Variants in ITPR2 observed in about 807,000 individuals in gnomAD.
The protein encoded by ITPR2 is inositol 1,4,5-trisphosphate-gated calcium channel ITPR2.
Under a neutral mutation model 317.1 loss-of-function variants are expected in ITPR2, and 207 were observed. The ratio of observed to expected loss-of-function variants is 0.65; its 90% confidence interval spans 0.58 to 0.73. The LOEUF is 0.73. ITPR2 is among the 30% of genes least tolerant of loss of function. The probability of loss-of-function intolerance (pLI) is 0.00; values close to 1 mark genes in which losing one functional copy is unlikely to be tolerated. For synonymous variants in ITPR2, 1,156 were observed against 1,149.1 expected, an observed-to-expected ratio of 1.01 and a Z score of -0.12; for missense variants, 2,613 against 3,284.0, an observed-to-expected ratio of 0.80 and a Z score of 4.99.
intron 34 of ITPR2, among the ~76,000 whole-genome samples, chr12:26,574,778 C>T (rs1287120698): frequency 2.0e-5 from 3 of 152,046 alleles, no homozygotes; most frequent in East Asian, 1.9e-4. Flanking sequence ...GGAGAGCAGA[C>T]GGGGTCATGT....
chr12:26,378,469 C>G (rs1185448103), intron 55 of ITPR2, among the ~76,000 whole-genome samples: 1 of 152,156 alleles, frequency 6.6e-6, no homozygotes, highest in Non-Finnish European at 1.5e-5. Flanking sequence ...TGGGGCCAGA[C>G]TATATAAGCA....
Position 26,597,039 on chromosome 12 carries a change from C to A in ITPR2, c.4098G>T (p.Gly1366=). 2 of 1,614,024 alleles carry A rather than the reference C, an allele frequency of 1.2e-6. No homozygotes were observed. The highest frequency in any genetic ancestry group is 1.7e-6 in the Non-Finnish European group (2 of 1,180,004). The part of the protein sequence containing the change: ...LHMMCSERDR[G]DESGPLAYHI... ...GGTAGGCTAAGGGGCCACTCTCATCCCCTCGGTCTCTCTCTGAACACATCA... is the reference window on the plus strand; with the variant it reads ...GGTAGGCTAAGGGGCCACTCTCATCACCTCGGTCTCTCTCTGAACACATCA... The change falls in exon 31 of 57, where the codon GGG becomes GGT. Residue 1366 remains glycine, a synonymous_variant. Transcript: ENST00000381340.
At chr12:26,506,221 A>C (rs951965300) in intron 37 of ITPR2, among the ~76,000 whole-genome samples, 1 of 152,066 alleles carries the variant, frequency 6.6e-6, no homozygotes, top group Admixed American at 6.6e-5. Context: ...TAAAAAAAAA[A>C]AAATTAGCCT....
chr12:26,558,939 A>C (rs1423323788), intron 35 of ITPR2, among the ~76,000 whole-genome samples: 6 of 152,242 alleles, frequency 3.9e-5, no homozygotes. Context: ...CTATCTTAGT[A>C]AATAACACAA....
rs1299501353 is a variant in ITPR2 at position 26,811,611 on chromosome 12, CG to C, written c.92+21078del. On this transcript the variant is annotated intron_variant, in intron 1 of 56. Transcript: ENST00000381340. The stretch of plus-strand genomic sequence containing the variant: ...GTGAGGCAGGAGAATGGCATGAACC[CG>C]GGGGGCAGAGCCTGCAGTGAGCCGA... 3.3e-5 allele frequency among the ~76,000 whole-genome samples: 5 copies of C among 149,760 alleles called. No homozygotes were observed. In the East Asian group the frequency reaches 5.9e-4, roughly 18 times the overall value.
chr12:26,495,313 A>T lies in ITPR2; in HGVS notation c.5074-53T>A, dbSNP rs1213740260. 16 of 982,186 alleles carry T rather than the reference A, an allele frequency of 1.6e-5. No individual in the cohort carries two copies. In the African/African-American group the frequency reaches 2.6e-4, roughly 16 times the overall value. 60.8% of individuals were successfully genotyped at this position (982,186 alleles called of 1,614,324 possible). On this transcript the variant is annotated intron_variant, in intron 37 of 56. Transcript: ENST00000381340. ...TGTTCCCTTTTCTAATAAAAGTGAA[A>T]AATGTCAGTATGTTAAATGCTTTAA...
intron 28 of ITPR2, 84 bp from the exon 29 acceptor site, chr12:26,600,193 C>T (rs758025474): frequency 3.9e-5 from 46 of 1,180,766 alleles, no homozygotes; most frequent in Non-Finnish European, 5.4e-5. Flanking sequence ...CACCCACATA[C>T]CATTTTTCTC....
intron 46 of ITPR2, among the ~76,000 whole-genome samples, chr12:26,442,930 T>C (rs1448140509): frequency 6.6e-6 from 1 of 152,132 alleles, no homozygotes; most frequent in Non-Finnish European, 1.5e-5. Context: ...AGTGTCAAAA[T>C]GATACCATAG....
At chr12:26,361,798 T>C (rs556285828) in intron 55 of ITPR2, among the ~76,000 whole-genome samples, 186 of 152,342 alleles carry the variant, frequency 1.2e-3, no homozygotes, top group African/African-American at 4.3e-3. Context: ...ACATGCCTAA[T>C]GTATAACGTG....
intron 37 of ITPR2, among the ~76,000 whole-genome samples, chr12:26,536,688 A>G (rs11048567): frequency 0.59 from 89,311 of 151,706 alleles, 29,279 homozygotes; most frequent in Non-Finnish European, 0.76. Flanking sequence ...TGGTCAGTGC[A>G]GATACACCAG....
At chr12:26,794,995 A>G (rs1317777790) in intron 1 of ITPR2, among the ~76,000 whole-genome samples, 1 of 152,260 alleles carries the variant, frequency 6.6e-6, no homozygotes, top group African/African-American at 2.4e-5. Context: ...TGAAATGCTA[A>G]CTGACTTTTG....
chr12:26,694,373 A>G (rs1375993213), intron 10 of ITPR2, among the ~76,000 whole-genome samples: 1 of 152,194 alleles, frequency 6.6e-6, no homozygotes. Flanking sequence ...TTATTAAGAT[A>G]CCAATTATAG....
intron 52 of ITPR2, chr12:26,400,531 C>T (rs1940142928): frequency 6.1e-6 from 1 of 163,096 alleles, no homozygotes; most frequent in African/African-American, 2.4e-5. Flanking sequence ...AGGGCTATTT[C>T]TAATTGTGCC....
At chr12:26,439,392 T>G in intron 46 of ITPR2, 73 bp from the exon 47 acceptor site, 2 of 1,042,616 alleles carry the variant, frequency 1.9e-6, no homozygotes, top group Non-Finnish European at 2.8e-6. Context: ...GTTTTTAACA[T>G]GAGTTTACTG....
intron 1 of ITPR2, among the ~76,000 whole-genome samples, chr12:26,801,902 G>C (rs144522121): frequency 0.012 from 1,872 of 150,978 alleles, 43 homozygotes; most frequent in African/African-American, 0.043. Context: ...AAAAAAAAAA[G>C]CTAGATTTTG....
At chr12:26,341,970 G>A (rs1047592036) in intron 55 of ITPR2, among the ~76,000 whole-genome samples, 1 of 152,230 alleles carries the variant, frequency 6.6e-6, no homozygotes, top group African/African-American at 2.4e-5. Context: ...GAAGACAGTG[G>A]CTGGGTAGGG....
At chr12:26,452,716 C>T (rs549447819) in intron 45 of ITPR2, among the ~76,000 whole-genome samples, 1 of 152,176 alleles carries the variant, frequency 6.6e-6, no homozygotes, top group Non-Finnish European at 1.5e-5. Flanking sequence ...AAGGCTGCTT[C>T]GGGCTTTGCC....
intron 21 of ITPR2, among the ~76,000 whole-genome samples, chr12:26,639,142 C>T (rs1470043839): frequency 6.6e-6 from 1 of 152,050 alleles, no homozygotes; most frequent in South Asian, 2.1e-4. Context: ...GGAGGGGGGA[C>T]GCAGGTGATG....
At chr12:26,483,229 T>C (rs565064056) in intron 42 of ITPR2, among the ~76,000 whole-genome samples, 3 of 152,368 alleles carry the variant, frequency 2.0e-5, no homozygotes, top group Admixed American at 1.3e-4. Context: ...CTACAACTTA[T>C]TGATTCTGTC....
Sources: allele counts gnomAD v4.1 joint callset (sites outside exome capture counted in the v4.1 genomes callset), GRCh38; gene constraint gnomAD v4.1.1; transcripts MANE v1.5; gene names NCBI Gene and HGNC (gene_info 2026-07-23, HGNC 2026-07-21).